The following IMPDH1 variants were observed in gnomAD, a reference collection of about 807,000 sequenced individuals.
The protein encoded by IMPDH1 is inosine monophosphate dehydrogenase 1, also known as inosine-5'-monophosphate dehydrogenase 1.
IMPDH1 carries 41 observed loss-of-function variants against 73.5 expected under a neutral mutation model. That is an observed-to-expected ratio of 0.56 (90% CI 0.43 to 0.72). The LOEUF (loss-of-function observed/expected upper bound fraction) is 0.72. IMPDH1 is among the 30% of genes least tolerant of loss of function. The pLI, the probability that IMPDH1 is intolerant of heterozygous loss-of-function variation, is 0.00. For missense variants in IMPDH1, 645 were observed against 824.8 expected, an observed-to-expected ratio of 0.78 and a Z score of 2.67; for synonymous variants, 318 against 334.3, an observed-to-expected ratio of 0.95 and a Z score of 0.53.
At chr7:128,402,995 C>T (rs1418405561) in intron 5 of IMPDH1, among the ~76,000 whole-genome samples, 4 of 152,198 alleles carry the variant, frequency 2.6e-5, no homozygotes, top group East Asian at 1.9e-4. Flanking sequence ...TCACTGGCTT[C>T]TATCATGTCC....
rs775343087 is a variant in IMPDH1, at chr7:128,403,768, GAAGT to G, written c.354-18_354-15del. On this transcript the variant is annotated splice_polypyrimidine_tract_variant and intron_variant, in intron 4 of 16. Transcript: ENST00000338791. ...ATCAGGAAGTCGCTGTGAAGACAGA[GAAGT>G]GAGTGTTATTAGTGGGGAGGGGTGC... The G allele has an allele frequency of 2.2e-5, 36 of 1,613,208 alleles. No homozygotes were observed. The highest frequency in any genetic ancestry group is 6.7e-5 in the Admixed American group (4 of 60,002).
At chr7:128,397,291 C>A (rs1016427937) in intron 10 of IMPDH1, among the ~76,000 whole-genome samples, 1 of 152,060 alleles carries the variant, frequency 6.6e-6, no homozygotes, top group Non-Finnish European at 1.5e-5. Context: ...ACAGACTGAT[C>A]CTTAAAGCAA....
At chr7:128,405,528 G>C (rs1798658412) in intron 4 of IMPDH1, among the ~76,000 whole-genome samples, 2 of 152,204 alleles carry the variant, frequency 1.3e-5, no homozygotes, top group South Asian at 4.1e-4. Context: ...GGAGGAAGGG[G>C]ACAGGCCGAA....
At position 128,394,714 on chromosome 7, in the gene IMPDH1, C is replaced by G; in HGVS notation, c.1551-115G>C. 2.1e-6 allele frequency: 3 copies of G among 1,447,598 alleles called. No individual in the cohort carries two copies. The highest frequency in any genetic ancestry group is 2.9e-6 in the Non-Finnish European group (3 of 1,047,180). The allele number at this position is 1,447,598 out of a possible 1,614,324, so 89.7% of individuals were successfully genotyped here. On this transcript the variant is annotated intron_variant, in intron 14 of 16. Coordinates refer to ENST00000338791, the MANE Select transcript of IMPDH1 (RefSeq NM_000883.4). This position sits in a 1 kb window ranked among gnomAD's most constrained non-coding sequence, Gnocchi z 5.5. ...GGAAGGTCCCCCAGGCCACCCCTCACTGGGCTGAGTCAGATGGCCCAGGGA... is the reference window on the plus strand; with the variant it reads ...GGAAGGTCCCCCAGGCCACCCCTCAGTGGGCTGAGTCAGATGGCCCAGGGA...
At position 128,400,189 on chromosome 7, in the gene IMPDH1, G is replaced by T; in HGVS notation, c.787-7C>A. On this transcript the variant is annotated splice_polypyrimidine_tract_variant and splice_region_variant and intron_variant, in intron 8 of 16. Coordinates refer to ENST00000338791, the MANE Select transcript of IMPDH1 (RefSeq NM_000883.4). The stretch of plus-strand genomic sequence containing the variant: ...CAATCCTTGGCGTCATCACCTGTGG[G>T]GCCAGGAACATTTGCCTGCAGGTTG... The T allele has an allele frequency of 6.2e-7, 1 of 1,614,048 alleles. No homozygotes were observed. The highest frequency in any genetic ancestry group is 1.6e-4 in the Middle Eastern group (1 of 6,062).
At chr7:128,405,698 G>GT in intron 4 of IMPDH1, 69 bp downstream of exon 4, 1 of 1,496,284 alleles carries the variant, frequency 6.7e-7, no homozygotes, top group Non-Finnish European at 8.9e-7. Context: ...AGCCGCGCAC[G>GT]TGCAGGGCCG....
rs879073557 is a variant in IMPDH1, at chr7:128,392,914, A to C, written c.*93T>G. 1 of 1,304,864 alleles carries C rather than the reference A, an allele frequency of 7.7e-7. No individual in the cohort carries two copies. Among genetic ancestry groups the C allele is most frequent in the South Asian group, 1.2e-5 (1 of 84,632 alleles). The allele number at this position is 1,304,864 out of a possible 1,614,324, so 80.8% of individuals were successfully genotyped here. A position where few individuals can be genotyped will look rare whatever the true frequency, so the allele number is the denominator to read the frequency against. On this transcript the variant is annotated 3_prime_UTR_variant, in exon 17 of 17. Transcript: ENST00000338791. Reference sequence around the variant, plus strand: ...AAGGAGCTGGAGAACCCGTAGTGCAAATCTGTGGACCACTCAGTTATGGAG... The same window carrying C: ...AAGGAGCTGGAGAACCCGTAGTGCACATCTGTGGACCACTCAGTTATGGAG...
At position 128,394,706 on chromosome 7, in the gene IMPDH1, AC is replaced by A; in HGVS notation, c.1551-108del. ...ACCGCCCAGGAAGGTCCCCCAGGCC[AC>A]CCCTCACTGGGCTGAGTCAGATGGC... On this transcript the variant is annotated intron_variant, in intron 14 of 16. Transcript: ENST00000338791. The surrounding 1 kb of genome is among the most constrained non-coding windows in gnomAD (Gnocchi z 5.5). 6.8e-7 allele frequency: 1 copy of A among 1,462,026 alleles called. No individual in the cohort carries two copies. The highest frequency in any genetic ancestry group is 9.4e-7 in the Non-Finnish European group (1 of 1,058,954). The allele number at this position is 1,462,026 out of a possible 1,614,324, so 90.6% of individuals were successfully genotyped here. A position where few individuals can be genotyped will look rare whatever the true frequency, so the allele number is the denominator to read the frequency against.
chr7:128,405,691 C>T, intron 4 of IMPDH1, 76 bp downstream of exon 4: 2 of 1,481,506 alleles, frequency 1.3e-6, no homozygotes, highest in South Asian at 2.5e-5. Context: ...CCGGGGGAGC[C>T]GCGCACGTGC....
intron 5 of IMPDH1, among the ~76,000 whole-genome samples, chr7:128,401,384 G>A (rs1344506352): frequency 2.6e-5 from 4 of 152,214 alleles, no homozygotes; most frequent in South Asian, 4.1e-4. Context: ...CAAGGTGACT[G>A]GGGAAAGCCT....
chr7:128,407,690 CT>C (rs1288192698), intron 3 of IMPDH1, among the ~76,000 whole-genome samples: 2 of 152,168 alleles, frequency 1.3e-5, no homozygotes, highest in African/African-American at 2.4e-5. Flanking sequence ...TACTGGGTCA[CT>C]AAAGGACCTG....
Position 128,400,809 on chromosome 7 carries a change from G to T in IMPDH1, c.579+8C>A, listed in dbSNP as rs1170771408. The T allele has an allele frequency of 6.2e-7, 1 of 1,613,530 alleles. No homozygotes were observed. The highest frequency in any genetic ancestry group is 8.5e-7 in the Non-Finnish European group (1 of 1,179,514). On this transcript the variant is annotated splice_region_variant and intron_variant, in intron 7 of 16. Coordinates refer to ENST00000338791, the MANE Select transcript of IMPDH1 (RefSeq NM_000883.4). ...TGGCATCTTGCTGGGGACAGGCCTG[G>T]TACTTGCCTTGACCTTCCGCACCTC...
chr7:128,394,236 C>T lies in IMPDH1; in HGVS notation c.1778+42G>A. 1 of 1,554,364 alleles carries T rather than the reference C, an allele frequency of 6.4e-7. No individual in the cohort carries two copies. Among genetic ancestry groups the T allele is most frequent in the Non-Finnish European group, 8.9e-7 (1 of 1,126,378 alleles). The stretch of plus-strand genomic sequence containing the variant: ...CAGAACCCTGGCCCCACCTGCCCAA[C>T]CCACTGCCTCCAAGTGACAGCAAGG... On this transcript the variant is annotated intron_variant, in intron 16 of 16. Coordinates refer to ENST00000338791, the MANE Select transcript of IMPDH1 (RefSeq NM_000883.4). The surrounding 1 kb of genome is among the most constrained non-coding windows in gnomAD (Gnocchi z 5.5).
rs772570591 is a variant in IMPDH1, at chr7:128,398,636, A to G, written c.875-23T>C. ...TCCCTGACAAGGAATGCAGGGGTGA[A>G]ATGAAGCAGGCTTGGTGGGGAGAAG... On this transcript the variant is annotated intron_variant, in intron 9 of 16. Coordinates refer to ENST00000338791, the MANE Select transcript of IMPDH1 (RefSeq NM_000883.4). The surrounding 1 kb of genome is among the most constrained non-coding windows in gnomAD (Gnocchi z 4.3). The G allele has an allele frequency of 6.3e-7, 1 of 1,599,570 alleles. No individual in the cohort carries two copies.
rs1275270834 is a variant in IMPDH1, at chr7:128,392,971, G to A, written c.*36C>T. Reference sequence around the variant, plus strand: ...TGTGCCCAAAAGTGGACACTGGGGTGCATCCCCTCCACCACCTCGGCCTCC... The same window carrying A: ...TGTGCCCAAAAGTGGACACTGGGGTACATCCCCTCCACCACCTCGGCCTCC... On this transcript the variant is annotated 3_prime_UTR_variant, in exon 17 of 17. Coordinates refer to ENST00000338791, the MANE Select transcript of IMPDH1 (RefSeq NM_000883.4). 70 of 1,610,772 alleles carry A rather than the reference G, an allele frequency of 4.3e-5. No individual in the cohort carries two copies. Among genetic ancestry groups the A allele is most frequent in the Middle Eastern group, 1.7e-4 (1 of 6,042 alleles).
In IMPDH1 at chr7:128,409,881, T is replaced by C. The variant is rs1021254531; in HGVS notation, c.21A>G (p.Pro7=). Reference sequence around the variant, plus strand: ...CGGCTCCGCCTCCCTGCAGCGGTGGTGGAGTGAGTGGCCCCTCCATGCGGA... The same window carrying C: ...CGGCTCCGCCTCCCTGCAGCGGTGGCGGAGTGAGTGGCCCCTCCATGCGGA... MEGPLT[P]PPLQGGGAAA... Residue 7 remains proline, a synonymous_variant, in exon 1 of 17, where the codon CCA becomes CCG. Coordinates refer to ENST00000338791, the MANE Select transcript of IMPDH1 (RefSeq NM_000883.4). The C allele has an allele frequency of 8.2e-6, 12 of 1,460,064 alleles. No homozygotes were observed. The African/African-American group carries it at 1.5e-4, about 18-fold the overall frequency. 90.4% of individuals were successfully genotyped at this position (1,460,064 alleles called of 1,614,324 possible).
Position 128,400,092 on chromosome 7 carries a change from T to C in IMPDH1, c.874+3A>G. On this transcript the variant is annotated splice_donor_region_variant and intron_variant, in intron 9 of 16. Transcript: ENST00000338791. ...GTTGAGTTTTCAACTAGCTCCCTGG[T>C]ACCTTTCTTGCTACGCTGCAGGATC... 1 of 1,608,592 alleles carries C rather than the reference T, an allele frequency of 6.2e-7. No homozygotes were observed. Among genetic ancestry groups the C allele is most frequent in the Non-Finnish European group, 8.5e-7 (1 of 1,176,998 alleles).
chr7:128,395,980 C>T (rs1797886882), intron 12 of IMPDH1, among the ~76,000 whole-genome samples: 3 of 152,196 alleles, frequency 2.0e-5, no homozygotes. Flanking sequence ...CCAAATGCAT[C>T]ACTCAGTGTT....
chr7:128,408,021 A>AT (rs144398561), intron 3 of IMPDH1, among the ~76,000 whole-genome samples: 10,014 of 152,170 alleles, frequency 0.066, 455 homozygotes, highest in South Asian at 0.1. Flanking sequence ...GACTCCGCTA[A>AT]TCCACCCTCA....
Sources: gnomAD v4.1 joint callset for allele counts (sites outside exome capture counted in the v4.1 genomes callset) on GRCh38, gnomAD v4.1.1 for gene constraint, Gnocchi (gnomAD v3.1) non-coding constraint, MANE v1.5 for transcripts, NCBI Gene and HGNC (gene_info 2026-07-23, HGNC 2026-07-21) for gene names.